GPC5: variants seen among roughly 807,000 people sequenced by gnomAD.
GPC5 encodes the protein glypican 5, also known as glypican-5.
Under a neutral mutation model 53.9 loss-of-function variants are expected in GPC5, and 47 were observed. The ratio of observed to expected loss-of-function variants is 0.87; its 90% CI spans 0.69 to 1.11. GPC5 has a LOEUF of 1.11. GPC5 is among the 50% of genes most tolerant of loss of function. The pLI, the probability that GPC5 is intolerant of heterozygous loss-of-function variation, is 0.00. For synonymous variants in GPC5, 286 were observed against 263.3 expected (o/e 1.09, Z -0.84); for missense variants, 748 against 713.1 (o/e 1.05, Z -0.56).
chr13:92,604,506 AT>A (rs1884187165), intron 7 of GPC5, among the ~76,000 whole-genome samples: 3 of 152,146 alleles, frequency 2.0e-5, no homozygotes, highest in Admixed American at 1.3e-4. Context: ...TCTAAATTTT[AT>A]TTTTTCAAGT....
At chr13:91,612,713 A>G (rs976322897) in intron 2 of GPC5, among the ~76,000 whole-genome samples, 4 of 152,228 alleles carry the variant, frequency 2.6e-5, no homozygotes, top group African/African-American at 9.6e-5. Context: ...TGAGATATGT[A>G]TGATATTCTT....
At chr13:91,499,511 C>T (rs1329647648) in intron 2 of GPC5, among the ~76,000 whole-genome samples, 11 of 152,126 alleles carry the variant, frequency 7.2e-5, no homozygotes, top group East Asian at 5.8e-4. Flanking sequence ...ACTTTGAAAA[C>T]GAAGCTTTCT....
chr13:92,333,506 C>G (rs2043302097), intron 7 of GPC5, among the ~76,000 whole-genome samples: 2 of 152,030 alleles, frequency 1.3e-5, no homozygotes, highest in South Asian at 2.1e-4. Flanking sequence ...TTGGCCTACT[C>G]TAGTCTTCCT....
intron 5 of GPC5, among the ~76,000 whole-genome samples, chr13:91,870,222 A>G (rs970599374): frequency 6.6e-6 from 1 of 152,008 alleles, no homozygotes; most frequent in African/African-American, 2.4e-5. Flanking sequence ...AAGATGAAGA[A>G]CTCCCTTATG....
chr13:91,784,898 C>T (rs912968268), intron 5 of GPC5, among the ~76,000 whole-genome samples: 6 of 152,158 alleles, frequency 3.9e-5, no homozygotes, highest in Admixed American at 6.5e-5. Flanking sequence ...TTTCACCTCA[C>T]ACTGCTCTAC....
At chr13:92,068,450 T>G (rs1470374636) in intron 6 of GPC5, among the ~76,000 whole-genome samples, 2 of 151,868 alleles carry the variant, frequency 1.3e-5, no homozygotes, top group East Asian at 3.9e-4. Flanking sequence ...TGCAATAATG[T>G]CATTAGCAAA....
intron 5 of GPC5, among the ~76,000 whole-genome samples, chr13:91,774,103 G>A (rs938310629): frequency 1.3e-5 from 2 of 152,082 alleles, no homozygotes; most frequent in Non-Finnish European, 2.9e-5. Flanking sequence ...ATTTCACCAA[G>A]TAAACAAATG....
Position 92,380,915 on chromosome 13 carries a change from A to G in GPC5, c.1561+235926A>G, listed in dbSNP as rs138507313. 5.9e-3 allele frequency among the ~76,000 whole-genome samples: 889 copies of G among 151,134 alleles called. 8 individuals carry two copies. Among genetic ancestry groups the G allele is most frequent in the African/African-American group, 0.021 (849 of 41,316 alleles). On this transcript the variant is annotated intron_variant, in intron 7 of 7. Coordinates refer to ENST00000377067, the MANE Select transcript of GPC5 (RefSeq NM_004466.6). ...CTAAAACTTAAAGTATAATAATAAA[A>G]GAAAAAAAAGAAAAAAAAAAGAATA...
chr13:92,386,425 G>A (rs1407678355), intron 7 of GPC5, among the ~76,000 whole-genome samples: 1 of 152,046 alleles, frequency 6.6e-6, no homozygotes, highest in Non-Finnish European at 1.5e-5. Flanking sequence ...ATCAAACCAT[G>A]AGGTCTAACT....
intron 7 of GPC5, among the ~76,000 whole-genome samples, chr13:92,745,042 A>C (rs764046969): frequency 1.1e-4 from 16 of 152,098 alleles, no homozygotes; most frequent in Non-Finnish European, 1.9e-4. Flanking sequence ...AAATTATAAA[A>C]AATTTTGAGT....
chr13:92,458,839 C>T (rs78828406), intron 7 of GPC5, among the ~76,000 whole-genome samples: 8,666 of 152,182 alleles, frequency 0.057, 494 homozygotes, highest in East Asian at 0.35. Flanking sequence ...TCATCACCAT[C>T]ACATTAATAA....
chr13:92,832,714 A>G (rs1878087987), intron 7 of GPC5, among the ~76,000 whole-genome samples: 1 of 152,162 alleles, frequency 6.6e-6, no homozygotes, highest in Non-Finnish European at 1.5e-5. Flanking sequence ...TTCCAAAAAT[A>G]CCCACAATTT....
At chr13:92,235,069 A>G (rs1362086711) in intron 7 of GPC5, among the ~76,000 whole-genome samples, 1 of 152,204 alleles carries the variant, frequency 6.6e-6, no homozygotes, top group African/African-American at 2.4e-5. Context: ...TATGAAGTCA[A>G]CCAATTGACA....
intron 7 of GPC5, among the ~76,000 whole-genome samples, chr13:92,151,467 C>T (rs1046549496): frequency 2.6e-5 from 4 of 152,046 alleles, no homozygotes; most frequent in Admixed American, 2.0e-4. Context: ...TTTTTTAAAA[C>T]ACCGTATATT....
chr13:92,296,745 G>A (rs552953164), intron 7 of GPC5, among the ~76,000 whole-genome samples: 4 of 152,292 alleles, frequency 2.6e-5, no homozygotes, highest in African/African-American at 7.2e-5. Context: ...GGCTTGGTGG[G>A]CCCCGCACTT....
intron 7 of GPC5, among the ~76,000 whole-genome samples, chr13:92,380,437 A>G (rs2043729400): frequency 6.6e-6 from 1 of 152,120 alleles, no homozygotes; most frequent in Non-Finnish European, 1.5e-5. Context: ...GGTTTTGTGG[A>G]GATGGGTCTG....
intron 7 of GPC5, among the ~76,000 whole-genome samples, chr13:92,770,414 C>CA (rs34087505): frequency 0.28 from 21,278 of 76,432 alleles, 2,440 homozygotes; most frequent in Non-Finnish European, 0.3. Flanking sequence ...GACCCTGTCT[C>CA]AAAAAAAAAA....
intron 5 of GPC5, among the ~76,000 whole-genome samples, chr13:91,764,647 G>C (rs342707): frequency 1.3e-5 from 2 of 151,874 alleles, no homozygotes. Context: ...TTTTCCCCTC[G>C]TCCAGTTAGG....
At chr13:92,402,925 G>T (rs1289664299) in intron 7 of GPC5, among the ~76,000 whole-genome samples, 2 of 152,248 alleles carry the variant, frequency 1.3e-5, no homozygotes, top group East Asian at 3.9e-4. Flanking sequence ...CCTCATTGCG[G>T]CAGCATAGCT....
Sources: gnomAD v4.1 joint callset for allele counts (sites outside exome capture counted in the v4.1 genomes callset) on GRCh38, gnomAD v4.1.1 for gene constraint, MANE v1.5 for transcripts, NCBI Gene and HGNC (gene_info 2026-07-23, HGNC 2026-07-21) for gene names.